ASMTL: variants seen among roughly 807,000 people sequenced by gnomAD.
ASMTL encodes the protein acetylserotonin O-methyltransferase like, also known as probable bifunctional dTTP/UTP pyrophosphatase/methyltransferase protein.
A neutral mutation model predicts 60.3 loss-of-function variants in ASMTL; 57 were observed. The observed-to-expected ratio is 0.95, with a 90% CI of 0.76 to 1.18. ASMTL has a LOEUF of 1.18. ASMTL is among the 50% of genes most tolerant of loss of function. The pLI is 0.00. For synonymous variants in ASMTL, 419 were observed against 373.0 expected (o/e 1.12, Z -1.42); for missense variants, 981 against 852.6 (o/e 1.15, Z -1.88).
At position 1,434,962 on chromosome X, in the gene ASMTL, G is replaced by C. The variant is rs377453537; in HGVS notation, c.400+60C>G. The C allele has an allele frequency of 1.2e-5, 19 of 1,594,278 alleles. No homozygotes were observed. The African/African-American group carries it at 1.5e-4, about 12-fold the overall frequency. On this transcript the variant is annotated intron_variant, in intron 5 of 12. Coordinates refer to ENST00000381317, the MANE Select transcript of ASMTL (RefSeq NM_004192.4). ...TCCTCCCTCAAGCCAAGGGTCCCGA[G>C]AATGTCCCGGGTCCTTGTCTCGGCC... is the stretch of plus-strand genomic sequence containing the variant.
intron 1 of ASMTL, among the ~76,000 whole-genome samples, chrX:1,445,301 G>C (rs2091209355): frequency 6.6e-6 from 1 of 152,044 alleles, no homozygotes; most frequent in Non-Finnish European, 1.5e-5. Context: ...GACACTCTCG[G>C]CTTCCTTTTA....
intron 12 of ASMTL, among the ~76,000 whole-genome samples, chrX:1,412,108 C>T (rs2090052418): frequency 6.6e-6 from 1 of 152,114 alleles, no homozygotes; most frequent in Non-Finnish European, 1.5e-5. Context: ...TGAGCCACCA[C>T]ACCTGGCCAC....
rs2090948668 is a variant in ASMTL at position 1,435,749 on chromosome X, C to T, written c.283G>A (p.Gly95Arg). 2.5e-6 allele frequency: 4 copies of T among 1,613,508 alleles called. No homozygotes were observed. Among genetic ancestry groups the T allele is most frequent in the Admixed American group, 3.3e-5 (2 of 59,972 alleles). ...IGADTIVTVG[G>R]LILEKPVDKQ... ...TCCACCGGCTTCTCCAGAATCAGCC[C>T]CCCGACTGTCTGTGAGAGGAAGGGA... The change falls in exon 4 of 13, where the codon GGG becomes AGG. Residue 95 changes from glycine (G) to arginine (R), a missense_variant. Coordinates refer to ENST00000381317, the MANE Select transcript of ASMTL (RefSeq NM_004192.4).
At chrX:1,423,331 A>T (rs1358948832) in intron 8 of ASMTL, among the ~76,000 whole-genome samples, 3 of 152,020 alleles carry the variant, frequency 2.0e-5, no homozygotes, top group African/African-American at 7.2e-5. Context: ...CTAAGGATAT[A>T]GTCACATGTC....
At chrX:1,447,193 T>C (rs1315998249) in intron 1 of ASMTL, among the ~76,000 whole-genome samples, 5 of 152,206 alleles carry the variant, frequency 3.3e-5, no homozygotes, top group Non-Finnish European at 7.3e-5. Context: ...CAGCAGGAAG[T>C]GGCCAGAAAG....
chrX:1,410,864 T>C (rs1252429903), intron 12 of ASMTL, among the ~76,000 whole-genome samples: 2 of 151,306 alleles, frequency 1.3e-5, no homozygotes, highest in Non-Finnish European at 2.9e-5. Flanking sequence ...CACACCAGCC[T>C]GGGCAGCAGA....
Position 1,435,098 on chromosome X carries a change from CG to C in ASMTL, c.339-16del. 1.1e-5 allele frequency: 17 copies of C among 1,613,860 alleles called. No individual in the cohort carries two copies. The highest frequency in any genetic ancestry group is 1.4e-5 in the Non-Finnish European group (16 of 1,179,756). On this transcript the variant is annotated splice_polypyrimidine_tract_variant and intron_variant, in intron 4 of 12. Coordinates refer to ENST00000381317, the MANE Select transcript of ASMTL (RefSeq NM_004192.4). ...TCCCACTCAACCTGTAAGACAACAACGGGTGACCACGTGACCATGCTGTGAC... is the reference window on the plus strand; with the variant it reads ...TCCCACTCAACCTGTAAGACAACAACGGTGACCACGTGACCATGCTGTGAC...
chrX:1,403,520 G>C (rs1335113781), intron 12 of ASMTL, 31 bp from the exon 13 acceptor site: 2 of 1,599,504 alleles, frequency 1.3e-6, no homozygotes, highest in East Asian at 2.2e-5. Context: ...CTGGAGTCCT[G>C]GCCAGCCAGG....
rs1569531907 is a variant in ASMTL at position 1,415,401 on chromosome X, C to CGTTTGT, written c.1523-2548_1523-2547insACAAAC. ...CTCCACTCCCCTCACGTCTCGGCTA[C>CGTTTGT]TTGCACTGATGATAACTTCACACAG... On this transcript the variant is annotated intron_variant, in intron 11 of 12. Transcript: ENST00000381317. Among the ~76,000 whole-genome samples, 7 of 151,674 alleles carry CGTTTGT rather than the reference C, an allele frequency of 4.6e-5. No homozygotes were observed. In the East Asian group the frequency reaches 1.4e-3, roughly 29 times the overall value.
Position 1,438,547 on chromosome X carries a change from CTT to C in ASMTL, c.273+548_273+549del, listed in dbSNP as rs767027343. 2.3e-3 allele frequency among the ~76,000 whole-genome samples: 357 copies of C among 152,246 alleles called. 3 individuals carry two copies. The highest frequency in any genetic ancestry group is 8.3e-3 in the African/African-American group (345 of 41,552). On this transcript the variant is annotated intron_variant, in intron 3 of 12. Transcript: ENST00000381317. ...GTGCCTTTTGAGACGGAGTCTCGCT[CTT>C]GTCACCCAGGCTGGAGTGCAGTGGC...
intron 1 of ASMTL, among the ~76,000 whole-genome samples, chrX:1,449,175 C>G (rs1223694567): frequency 6.6e-6 from 1 of 152,154 alleles, no homozygotes; most frequent in African/African-American, 2.4e-5. Flanking sequence ...CCTGACCTAA[C>G]TCAGCCAGAA....
intron 1 of ASMTL, 66 bp from the exon 2 acceptor site, chrX:1,442,383 C>A (rs745367599): frequency 3.2e-6 from 5 of 1,583,708 alleles, no homozygotes; most frequent in Admixed American, 3.4e-5. Context: ...ATGGGACATG[C>A]AAGATTTGCA....
At chrX:1,417,671 A>G (rs1203560104) in intron 11 of ASMTL, among the ~76,000 whole-genome samples, 2 of 151,788 alleles carry the variant, frequency 1.3e-5, no homozygotes, top group African/African-American at 4.8e-5. Context: ...ATACTCTCAC[A>G]GAAACATATG....
Position 1,434,536 on chromosome X carries a change from G to C in ASMTL, c.400+486C>G, listed in dbSNP as rs752897711. On this transcript the variant is annotated intron_variant, in intron 5 of 12. Coordinates refer to ENST00000381317, the MANE Select transcript of ASMTL (RefSeq NM_004192.4). ...AGAAAGAGAAAGGCCGGGTGCAGTA[G>C]CTCACACCTGTAATCCCAGCACTTT... Among the ~76,000 whole-genome samples, 6 of 149,812 alleles carry C rather than the reference G, an allele frequency of 4.0e-5. No homozygotes were observed. The East Asian group carries it at 1.2e-3, about 30-fold the overall frequency.
chrX:1,403,424 T>A lies in ASMTL; in HGVS notation c.1711A>T (p.Met571Leu). 1 of 1,613,330 alleles carries A rather than the reference T, an allele frequency of 6.2e-7. No individual in the cohort carries two copies. The highest frequency in any genetic ancestry group is 8.5e-7 in the Non-Finnish European group (1 of 1,179,862). The change falls in exon 13 of 13, where the codon ATG becomes TTG. Residue 571 changes from methionine (M) to leucine (L), a missense_variant. Transcript: ENST00000381317. ...TGCACCAGCATGTTCAGTGACTGCA[T>A]CAGGGCGCGCTGCGCCACCCTCTTC... ...EEKRVAQRAL[M>L]QSLNMLVQTE...
chrX:1,412,291 G>A (rs28379081), intron 12 of ASMTL, among the ~76,000 whole-genome samples: 36,343 of 151,800 alleles, frequency 0.24, 4,911 homozygotes, highest in South Asian at 0.48. Flanking sequence ...GCAGTGGCGC[G>A]ATCTCGGCTC....
intron 9 of ASMTL, 68 bp downstream of exon 9, chrX:1,421,590 C>G (rs2090484951): frequency 6.5e-7 from 1 of 1,543,854 alleles, no homozygotes; most frequent in Non-Finnish European, 8.9e-7. Context: ...GCCTACTGAT[C>G]TGTGTGTCAA....
At chrX:1,445,998 G>A (rs1480483865) in intron 1 of ASMTL, among the ~76,000 whole-genome samples, 2 of 152,092 alleles carry the variant, frequency 1.3e-5, no homozygotes, top group East Asian at 1.9e-4. Flanking sequence ...AGACCCGCCC[G>A]CAGTTATCCG....
chrX:1,415,294 A>C (rs73618978), intron 11 of ASMTL, among the ~76,000 whole-genome samples: 141,097 of 151,906 alleles, frequency 0.93, 66,215 homozygotes, highest in East Asian at 1. Context: ...CTAAGGCCAC[A>C]CTGTGACGGC....
Sources: allele counts gnomAD v4.1 joint callset (sites outside exome capture counted in the v4.1 genomes callset), GRCh38; gene constraint gnomAD v4.1.1; transcripts MANE v1.5; gene names NCBI Gene and HGNC (gene_info 2026-07-23, HGNC 2026-07-21).